Variants in MOCOS observed in about 807,000 individuals in gnomAD.
MOCOS encodes human molybdenum cofactor sulfurase.
A neutral mutation model predicts 83.6 loss-of-function variants in MOCOS; 86 were observed. The observed-to-expected ratio is 1.03, with a 90% CI of 0.86 to 1.23. MOCOS has a LOEUF of 1.23. Among genes scored for constraint, MOCOS ranks in the 50% most tolerant of loss-of-function variants. The pLI is 0.00. For missense variants in MOCOS, 1,120 were observed against 1,126.9 expected (o/e 0.99, Z 0.09); for synonymous variants, 445 against 434.7 (o/e 1.02, Z -0.29).
chr18:36,221,125 G>A (rs1226387813), intron 9 of MOCOS, among the ~76,000 whole-genome samples: 1 of 152,070 alleles, frequency 6.6e-6, no homozygotes, highest in East Asian at 1.9e-4. Context: ...AACTTTCTGT[G>A]GTGATGAAAA....
At chr18:36,228,707 G>A (rs1243965027) in intron 9 of MOCOS, among the ~76,000 whole-genome samples, 2 of 151,976 alleles carry the variant, frequency 1.3e-5, no homozygotes, top group Non-Finnish European at 2.9e-5. Flanking sequence ...GGATGGGGAG[G>A]ATCAGGAAAA....
chr18:36,211,499 G>C (rs2091455265), intron 6 of MOCOS, among the ~76,000 whole-genome samples: 1 of 152,102 alleles, frequency 6.6e-6, no homozygotes. Flanking sequence ...CCAGAAGAAA[G>C]TAAGTGCTCA....
chr18:36,244,723 G>A (rs1463879401), intron 9 of MOCOS, among the ~76,000 whole-genome samples: 2 of 152,048 alleles, frequency 1.3e-5, no homozygotes, highest in Non-Finnish European at 2.9e-5. Flanking sequence ...GAGTATTGAA[G>A]TCTCCCACTA....
intron 9 of MOCOS, among the ~76,000 whole-genome samples, chr18:36,220,603 G>A (rs146097324): frequency 9.7e-4 from 147 of 152,192 alleles, no homozygotes; most frequent in African/African-American, 3.3e-3. Flanking sequence ...GGGAAATTTC[G>A]GGAGACAGAA....
At chr18:36,248,348 C>T (rs974693969) in intron 9 of MOCOS, among the ~76,000 whole-genome samples, 33 of 152,142 alleles carry the variant, frequency 2.2e-4, no homozygotes, top group African/African-American at 6.5e-4. Flanking sequence ...TTATTAATCC[C>T]TTGCTGGATG....
At chr18:36,256,066 A>G (rs1042902543) in intron 11 of MOCOS, among the ~76,000 whole-genome samples, 1 of 151,314 alleles carries the variant, frequency 6.6e-6, no homozygotes, top group Non-Finnish European at 1.5e-5. Context: ...CTAATTTTGT[A>G]TTTTTACTAG....
At chr18:36,228,829 A>T (rs62103127) in intron 9 of MOCOS, among the ~76,000 whole-genome samples, 2 of 149,078 alleles carry the variant, frequency 1.3e-5, no homozygotes, top group East Asian at 2.0e-4. Flanking sequence ...CACGGAACTT[A>T]AAAGTTGAAA....
At chr18:36,236,386 A>G (rs1384681717) in intron 9 of MOCOS, among the ~76,000 whole-genome samples, 6 of 116,332 alleles carry the variant, frequency 5.2e-5, no homozygotes, top group South Asian at 3.0e-4. Flanking sequence ...TATTAAATAG[A>G]GAATCCTTTC....
chr18:36,187,647 C>G lies in MOCOS; in HGVS notation c.108C>G (p.Arg36=). ...ACGGCTACGGCCCGGGCAGCCTGCG[C>G]GAGCTGCGGGCGCGCGAGTTCAGCC... ...LAYGYGPGSL[R]ELRAREFSRL... Residue 36 remains arginine, a synonymous_variant, in exon 1 of 15, where the codon CGC becomes CGG. Coordinates refer to ENST00000261326, the MANE Select transcript of MOCOS (RefSeq NM_017947.4). 8.0e-7 allele frequency: 1 copy of G among 1,252,284 alleles called. No homozygotes were observed. Among genetic ancestry groups the G allele is most frequent in the Non-Finnish European group, 1.0e-6 (1 of 998,198 alleles). 77.6% of individuals were successfully genotyped at this position (1,252,284 alleles called of 1,614,324 possible).
At chr18:36,223,657 C>A (rs2091505044) in intron 9 of MOCOS, among the ~76,000 whole-genome samples, 1 of 152,154 alleles carries the variant, frequency 6.6e-6, no homozygotes, top group African/African-American at 2.4e-5. Flanking sequence ...ATAGGGATTG[C>A]ATTGAATCTG....
intron 13 of MOCOS, among the ~76,000 whole-genome samples, chr18:36,265,740 GAT>G (rs35832849): frequency 0.55 from 82,157 of 149,216 alleles, 22,547 homozygotes; most frequent in East Asian, 0.73. Flanking sequence ...GGTACGTATG[GAT>G]ATATATATAT....
intron 9 of MOCOS, among the ~76,000 whole-genome samples, chr18:36,223,231 G>A (rs1291170201): frequency 2.6e-5 from 4 of 152,172 alleles, no homozygotes; most frequent in South Asian, 4.1e-4. Context: ...GGGATCTTGT[G>A]CTTAAATCTC....
At chr18:36,244,656 T>G (rs1276327875) in intron 9 of MOCOS, among the ~76,000 whole-genome samples, 6 of 152,300 alleles carry the variant, frequency 3.9e-5, no homozygotes, top group Admixed American at 6.5e-5. Context: ...AGGGTATAGT[T>G]TAAGTCCATT....
At chr18:36,247,711 C>T (rs964234419) in intron 9 of MOCOS, among the ~76,000 whole-genome samples, 8 of 148,514 alleles carry the variant, frequency 5.4e-5, no homozygotes, top group Non-Finnish European at 9.0e-5. Context: ...CGGAGACCAA[C>T]TTCTCACCTT....
rs182965470 is a variant in MOCOS, at chr18:36,260,776, G to A, written c.2409+601G>A. Among the ~76,000 whole-genome samples, 22 of 151,850 alleles carry A rather than the reference G, an allele frequency of 1.4e-4. No homozygotes were observed. The East Asian group carries it at 3.1e-3, about 21-fold the overall frequency. ...TCTGTGCTCCTCACATGGTTGACAA[G>A]GCCCTACGAGATCCCATGCTGCCAC... On this transcript the variant is annotated intron_variant, in intron 13 of 14. Transcript: ENST00000261326.
chr18:36,198,967 G>A (rs2091401158), intron 3 of MOCOS, among the ~76,000 whole-genome samples: 2 of 152,204 alleles, frequency 1.3e-5, no homozygotes, highest in South Asian at 2.1e-4. Context: ...AGACACACAG[G>A]TAGGTGGCTC....
chr18:36,249,497 G>GT (rs2091614470), intron 10 of MOCOS, among the ~76,000 whole-genome samples: 1 of 152,172 alleles, frequency 6.6e-6, no homozygotes, highest in East Asian at 1.9e-4. Context: ...CAAGAGGACA[G>GT]TGTGGGGTGG....
chr18:36,239,409 G>C (rs2091572471), intron 9 of MOCOS, among the ~76,000 whole-genome samples: 3 of 146,772 alleles, frequency 2.0e-5, no homozygotes, highest in Non-Finnish European at 4.4e-5. Context: ...AGTTTGGCTG[G>C]ATATGAAATT....
intron 9 of MOCOS, among the ~76,000 whole-genome samples, chr18:36,227,083 AT>A (rs200763379): frequency 5.0e-4 from 71 of 143,058 alleles, no homozygotes; most frequent in Non-Finnish European, 4.5e-4. Flanking sequence ...TAATTTTTGT[AT>A]TTTTTTTTTT....
Sources: allele counts gnomAD v4.1 joint callset (sites outside exome capture counted in the v4.1 genomes callset), GRCh38; gene constraint gnomAD v4.1.1; transcripts MANE v1.5; gene names NCBI Gene and HGNC (gene_info 2026-07-23, HGNC 2026-07-21).